MIA2: variants seen among roughly 807,000 people sequenced by gnomAD.
The protein encoded by MIA2 is melanoma inhibitory activity protein 2.
A neutral mutation model predicts 167.8 loss-of-function variants in MIA2; 127 were observed. The ratio of observed to expected loss-of-function variants is 0.76; its 90% CI spans 0.66 to 0.88. The LOEUF (loss-of-function observed/expected upper bound fraction) is 0.88, where lower values mean the gene tolerates loss of function less well. MIA2 is among the 40% of genes least tolerant of loss of function. The pLI is 0.00. For synonymous variants in MIA2, 552 were observed against 541.9 expected (o/e 1.02, Z -0.26); for missense variants, 1,690 against 1,624.7 (o/e 1.04, Z -0.69).
At chr14:39,372,532 A>G (rs765778151) in intron 23 of MIA2, among the ~76,000 whole-genome samples, 68 of 152,224 alleles carry the variant, frequency 4.5e-4, no homozygotes, top group Non-Finnish European at 8.8e-4. Flanking sequence ...TCTGGGTACC[A>G]TATGTTAAAT....
intron 25 of MIA2, among the ~76,000 whole-genome samples, chr14:39,337,458 A>G (rs1289598006): frequency 6.6e-6 from 1 of 152,228 alleles, no homozygotes; most frequent in Non-Finnish European, 1.5e-5. Flanking sequence ...TTATAGAACA[A>G]GTTACCCAAC....
At chr14:39,285,842 C>G (rs141080105) in intron 9 of MIA2, among the ~76,000 whole-genome samples, 14 of 147,966 alleles carry the variant, frequency 9.5e-5, no homozygotes, top group South Asian at 2.2e-4. Context: ...ACCTCCCAGA[C>G]GGGGTCGCGG....
intron 23 of MIA2, among the ~76,000 whole-genome samples, chr14:39,379,915 G>T (rs1365081708): frequency 6.6e-6 from 1 of 150,986 alleles, no homozygotes; most frequent in Non-Finnish European, 1.5e-5. Context: ...TTTTCCTAAG[G>T]CAAACAAAAA....
chr14:39,356,220 T>A (rs1326480157), downstream of MIA2, among the ~76,000 whole-genome samples: 4 of 152,220 alleles, frequency 2.6e-5, no homozygotes, highest in East Asian at 7.7e-4. Flanking sequence ...AATTATTGCC[T>A]CAGTTTCAGA....
In MIA2 at chr14:39,321,073, T is replaced by A. The variant is rs1308603989; in HGVS notation, c.3496+17T>A. On this transcript the variant is annotated intron_variant, in intron 24 of 28. Transcript: ENST00000640607. ...GAGGAAGAGGTATATTGTTTAAACATCTTTATTACTCTAGATTTCTTCCTT... is the reference window on the plus strand; with the variant it reads ...GAGGAAGAGGTATATTGTTTAAACAACTTTATTACTCTAGATTTCTTCCTT... 19 of 1,596,688 alleles carry A rather than the reference T, an allele frequency of 1.2e-5. No individual in the cohort carries two copies. The highest frequency in any genetic ancestry group is 1.6e-5 in the Non-Finnish European group (19 of 1,173,816).
intron 3 of MIA2, among the ~76,000 whole-genome samples, chr14:39,245,059 T>G (rs933032707): frequency 7.0e-6 from 1 of 143,258 alleles, no homozygotes. Context: ...ATTACAGGCA[T>G]GGGCCGCCGC....
At chr14:39,242,512 G>A (rs1232503667) in intron 3 of MIA2, among the ~76,000 whole-genome samples, 5 of 151,800 alleles carry the variant, frequency 3.3e-5, no homozygotes, top group Non-Finnish European at 7.4e-5. Context: ...TAGTAGAGAT[G>A]GGGTTTCACC....
chr14:39,265,408 G>T (rs756746393), intron 6 of MIA2: 1 of 1,611,206 alleles, frequency 6.2e-7, no homozygotes, highest in East Asian at 2.2e-5. Context: ...GAATTGAAAA[G>T]TCCAGAGGAA....
At chr14:39,364,203 C>A (rs2074765090) in intron 23 of MIA2, among the ~76,000 whole-genome samples, 1 of 152,020 alleles carries the variant, frequency 6.6e-6, no homozygotes, top group African/African-American at 2.4e-5. Flanking sequence ...ACTAAAAATA[C>A]AAAAATTAGC....
At position 39,294,880 on chromosome 14, in the gene MIA2, TATTAA is replaced by T. The variant is rs756026364; in HGVS notation, c.2392-39_2392-35del. 1.4e-5 allele frequency: 18 copies of T among 1,246,942 alleles called. No homozygotes were observed. In the African/African-American group the frequency reaches 1.6e-4, roughly 11 times the overall value. 77.2% of individuals were successfully genotyped at this position (1,246,942 alleles called of 1,614,324 possible). A position where few individuals can be genotyped will look rare whatever the true frequency, so the allele number is the denominator to read the frequency against. ...GGAGTATGTGTAAAGATGAGCTATG[TATTAA>T]ATTAATTGTTACAAACTTGACATTT... On this transcript the variant is annotated intron_variant, in intron 12 of 28. Transcript: ENST00000640607.
chr14:39,242,690 G>A (rs1439180141), intron 3 of MIA2, among the ~76,000 whole-genome samples: 1 of 152,108 alleles, frequency 6.6e-6, no homozygotes, highest in Non-Finnish European at 1.5e-5. Flanking sequence ...CTAGCACAGT[G>A]CCAGGCACAA....
At chr14:39,310,627 G>A (rs996561021) in intron 18 of MIA2, among the ~76,000 whole-genome samples, 4 of 152,046 alleles carry the variant, frequency 2.6e-5, no homozygotes, top group Non-Finnish European at 4.4e-5. Flanking sequence ...GCTAATTTAC[G>A]ATGTATAGTG....
At chr14:39,303,031 A>G (rs909684881) in intron 15 of MIA2, among the ~76,000 whole-genome samples, 1 of 152,160 alleles carries the variant, frequency 6.6e-6, no homozygotes, top group African/African-American at 2.4e-5. Context: ...ACATCCCTAA[A>G]ATAAGTATAT....
At chr14:39,364,696 A>G (rs1020415254) in intron 23 of MIA2, among the ~76,000 whole-genome samples, 3 of 150,440 alleles carry the variant, frequency 2.0e-5, no homozygotes, top group African/African-American at 7.3e-5. Context: ...TGGGTATAGT[A>G]TTCTTGGCTG....
rs773642438 is a variant in MIA2 at position 39,300,002 on chromosome 14, G to A, written c.2619+16G>A. The A allele has an allele frequency of 1.3e-6, 2 of 1,573,254 alleles. No individual in the cohort carries two copies. The highest frequency in any genetic ancestry group is 1.4e-5 in the African/African-American group (1 of 71,782). On this transcript the variant is annotated intron_variant, in intron 14 of 28. Coordinates refer to ENST00000640607, the MANE Select transcript of MIA2 (RefSeq NM_001329214.4). ...TCACATCAAGGTAAATGGCTCTACT[G>A]GTTTTAGTGATCAAGTTGGCTAGAA...
intron 1 of MIA2, among the ~76,000 whole-genome samples, chr14:39,235,242 C>T (rs1049862787): frequency 1.8e-4 from 28 of 151,910 alleles, no homozygotes; most frequent in Admixed American, 1.3e-3. Context: ...CACTGTGTTG[C>T]CCAGCCTGAG....
Position 39,234,887 on chromosome 14 carries a change from A to G in MIA2, c.115+658A>G, listed in dbSNP as rs528969875. ...TATTGTTAAAGAACTTATTTCTGTT[A>G]TTAGTTTTATGGTGCAAAATAAATT... On this transcript the variant is annotated intron_variant, in intron 1 of 28. Transcript: ENST00000640607. Among the ~76,000 whole-genome samples, 6 of 152,060 alleles carry G rather than the reference A, an allele frequency of 3.9e-5. No homozygotes were observed. The South Asian group carries it at 8.3e-4, about 21-fold the overall frequency.
intron 25 of MIA2, among the ~76,000 whole-genome samples, chr14:39,334,713 A>G (rs1397567505): frequency 6.6e-6 from 1 of 151,866 alleles, no homozygotes; most frequent in Non-Finnish European, 1.5e-5. Flanking sequence ...ATTACAGGGC[A>G]TGTGCCACCA....
At chr14:39,289,959 C>T (rs564360887) in intron 9 of MIA2, among the ~76,000 whole-genome samples, 2 of 152,294 alleles carry the variant, frequency 1.3e-5, no homozygotes, top group Middle Eastern at 3.4e-3. Context: ...TAAGTTTGGT[C>T]GTCTTGCCTC....
Sources: gnomAD v4.1 joint callset for allele counts (sites outside exome capture counted in the v4.1 genomes callset) on GRCh38, gnomAD v4.1.1 for gene constraint, MANE v1.5 for transcripts, NCBI Gene and HGNC (gene_info 2026-07-23, HGNC 2026-07-21) for gene names.